Variants in SHISA9 observed in about 807,000 individuals in gnomAD.
The protein encoded by SHISA9 is shisa family member 9, also known as protein shisa-9.
SHISA9 carries 13 observed loss-of-function variants against 38.0 expected under a neutral mutation model. The observed-to-expected ratio is 0.34, with a 90% CI of 0.22 to 0.54. The LOEUF (loss-of-function observed/expected upper bound fraction) is 0.54, where lower values mean the gene tolerates loss of function less well. Ranked by LOEUF, SHISA9 falls within the 20% of genes least tolerant of loss-of-function variation. SHISA9 has a pLI of 0.91. For synonymous variants in SHISA9, 275 were observed against 242.0 expected (o/e 1.14, Z -1.27); for missense variants, 538 against 575.8 (o/e 0.93, Z 0.67).
the SHISA9 span, among the ~76,000 whole-genome samples, chr16:13,543,057 T>G: frequency 6.6e-6 from 1 of 152,210 alleles, no homozygotes; most frequent in African/African-American, 2.4e-5. Flanking sequence ...CTCCCTTTAT[T>G]CATTCCACAA....
chr16:13,383,622 C>A, the SHISA9 span, among the ~76,000 whole-genome samples: 1 of 152,186 alleles, frequency 6.6e-6, no homozygotes, highest in African/African-American at 2.4e-5. Context: ...TTGCACCAGC[C>A]ACAATTATGT....
Position 13,239,538 on chromosome 16 carries a change from G to A in SHISA9, c.*4129G>A, listed in dbSNP as rs1240528802. ...TTTAATGATTGCCATTCTAACTGGCGTGAGATGGTATCTCATTGTGGTTTT... is the reference window on the plus strand; with the variant it reads ...TTTAATGATTGCCATTCTAACTGGCATGAGATGGTATCTCATTGTGGTTTT... On this transcript the variant is annotated 3_prime_UTR_variant, in exon 5 of 5. Coordinates refer to ENST00000558583, the MANE Select transcript of SHISA9 (RefSeq NM_001145204.3). The A allele has an allele frequency of 3.5e-4, 53 of 152,040 alleles. 1 individual carries two copies. The highest frequency in any genetic ancestry group is 5.8e-4 in the East Asian group (3 of 5,174). The allele number at this position is 152,040 out of a possible 1,614,324, so 9.4% of individuals were successfully genotyped here.
chr16:13,543,266 G>A, the SHISA9 span, among the ~76,000 whole-genome samples: 2 of 152,180 alleles, frequency 1.3e-5, no homozygotes, highest in Non-Finnish European at 2.9e-5. Flanking sequence ...GATATAAACT[G>A]TAACAACAGA....
the SHISA9 span, among the ~76,000 whole-genome samples, chr16:13,399,431 T>C: frequency 6.6e-6 from 1 of 152,118 alleles, no homozygotes; most frequent in East Asian, 1.9e-4. Flanking sequence ...ATTGTAGTGG[T>C]TCTTTGTTCT....
chr16:13,042,845 T>C (rs1484122658), intron 2 of SHISA9, among the ~76,000 whole-genome samples: 1 of 152,198 alleles, frequency 6.6e-6, no homozygotes, highest in African/African-American at 2.4e-5. Flanking sequence ...CAGAAACCTT[T>C]TCCTTGGCTG....
chr16:13,505,343 G>A, the SHISA9 span, among the ~76,000 whole-genome samples: 10 of 152,246 alleles, frequency 6.6e-5, no homozygotes, highest in East Asian at 1.9e-4. Context: ...TGGGGGCTTC[G>A]TATATTCTTA....
chr16:12,977,414 C>G (rs1251120443), intron 2 of SHISA9, among the ~76,000 whole-genome samples: 2 of 152,122 alleles, frequency 1.3e-5, no homozygotes, highest in African/African-American at 4.8e-5. Context: ...GTGGCAATTC[C>G]TCAAAGACCT....
At chr16:13,492,657 G>T in the SHISA9 span, among the ~76,000 whole-genome samples, 1 of 152,192 alleles carries the variant, frequency 6.6e-6, no homozygotes, top group South Asian at 2.1e-4. Flanking sequence ...ACCTGACTCA[G>T]AGTGGGAAAC....
the SHISA9 span, among the ~76,000 whole-genome samples, chr16:13,476,858 C>T: frequency 7.5e-5 from 11 of 147,348 alleles, no homozygotes; most frequent in Non-Finnish European, 1.6e-4. Flanking sequence ...ACGCCATTCT[C>T]CTGCCTCAGC....
At position 13,201,426 on chromosome 16, in the gene SHISA9, A is replaced by T. The variant is rs1898684; in HGVS notation, c.692-1968A>T. The stretch of plus-strand genomic sequence containing the variant: ...CTGTATTTTTACTTGTATTATTTTT[A>T]ACTATTGTATTGTTATTTTTAATTT... On this transcript the variant is annotated intron_variant, in intron 2 of 4. Coordinates refer to ENST00000558583, the MANE Select transcript of SHISA9 (RefSeq NM_001145204.3). Among the ~76,000 whole-genome samples, 301 of 135,832 alleles carry T rather than the reference A, an allele frequency of 2.2e-3. 71 individuals carry two copies. The highest frequency in any genetic ancestry group is 8.2e-3 in the African/African-American group (285 of 34,650). The allele number at this position is 135,832 out of a possible 152,430, so 89.1% of individuals were successfully genotyped here.
chr16:13,250,370 G>T, the SHISA9 span, among the ~76,000 whole-genome samples: 1 of 152,166 alleles, frequency 6.6e-6, no homozygotes, highest in Non-Finnish European at 1.5e-5. Flanking sequence ...ATGATTAATT[G>T]CATTGGGGGG....
At chr16:13,352,639 G>A in the SHISA9 span, among the ~76,000 whole-genome samples, 1 of 150,556 alleles carries the variant, frequency 6.6e-6, no homozygotes, top group Non-Finnish European at 1.5e-5. Flanking sequence ...CAACATGGCT[G>A]TTTATTTCAC....
the SHISA9 span, among the ~76,000 whole-genome samples, chr16:13,415,650 C>A: frequency 3.7e-4 from 56 of 152,194 alleles, 1 homozygote; most frequent in East Asian, 7.7e-3. Flanking sequence ...TGATGTGGAG[C>A]TCTGTTTATG....
intron 4 of SHISA9, among the ~76,000 whole-genome samples, chr16:13,215,100 A>C (rs2142067336): frequency 6.6e-6 from 1 of 152,276 alleles, no homozygotes; most frequent in Middle Eastern, 3.4e-3. Context: ...GGAGAGAAGA[A>C]AATGGGAGTG....
the SHISA9 span, among the ~76,000 whole-genome samples, chr16:13,301,523 C>T: frequency 6.6e-6 from 1 of 152,194 alleles, no homozygotes; most frequent in South Asian, 2.1e-4. Flanking sequence ...TGGTGATGCA[C>T]AGGTGAAGAT....
intron 2 of SHISA9, among the ~76,000 whole-genome samples, chr16:13,097,624 G>T (rs1255834924): frequency 1.3e-5 from 2 of 152,088 alleles, no homozygotes; most frequent in African/African-American, 4.8e-5. Context: ...GGCTGGGCTT[G>T]AACTCCTGGC....
intron 2 of SHISA9, among the ~76,000 whole-genome samples, chr16:13,199,019 T>C (rs1480799032): frequency 3.3e-5 from 5 of 152,232 alleles, no homozygotes; most frequent in Admixed American, 6.5e-5. Context: ...ATGTATTCTG[T>C]TTAATAATAT....
Position 13,235,213 on chromosome 16 carries a change from T to C in SHISA9, c.1079T>C (p.Leu360Pro). 1 of 1,551,718 alleles carries C rather than the reference T, an allele frequency of 6.4e-7. No homozygotes were observed. Among genetic ancestry groups the C allele is most frequent in the Non-Finnish European group, 8.7e-7 (1 of 1,146,998 alleles). The change falls in exon 5 of 5, where the codon CTG becomes CCG. Residue 360 changes from leucine (L) to proline (P), a missense_variant. Physicochemically the swap from Leu to Pro is moderately conservative, Grantham distance 98. Coordinates refer to ENST00000558583, the MANE Select transcript of SHISA9 (RefSeq NM_001145204.3). ...SRTNKMPPHPLAYTSTTNFKG... is the reference protein window; with the variant it reads ...SRTNKMPPHPPAYTSTTNFKG... Reference sequence around the variant, plus strand: ...ACCAACAAGATGCCCCCACATCCCCTGGCCTACACCTCTACCACCAACTTT... The same window carrying C: ...ACCAACAAGATGCCCCCACATCCCCCGGCCTACACCTCTACCACCAACTTT...
intron 2 of SHISA9, among the ~76,000 whole-genome samples, chr16:13,122,292 C>T (rs890793926): frequency 1.3e-5 from 2 of 152,180 alleles, no homozygotes; most frequent in African/African-American, 4.8e-5. Context: ...AAGTCCTCTT[C>T]TGATATCCCT....
Sources: allele counts gnomAD v4.1 joint callset (sites outside exome capture counted in the v4.1 genomes callset), GRCh38; gene constraint gnomAD v4.1.1; transcripts MANE v1.5; gene names NCBI Gene and HGNC (gene_info 2026-07-23, HGNC 2026-07-21).